The following IPCEF1 variants were observed in gnomAD, a reference collection of about 807,000 sequenced individuals.
IPCEF1 encodes the protein interaction protein for cytohesin exchange factors 1.
In IPCEF1, 31 loss-of-function variants were observed where a neutral mutation model predicts 50.9. The ratio of observed to expected loss-of-function variants is 0.61; its 90% CI spans 0.46 to 0.82. The LOEUF is 0.82. Ranked by LOEUF, IPCEF1 falls within the 40% of genes least tolerant of loss-of-function variation. IPCEF1 has a pLI of 0.00. For missense variants in IPCEF1, 458 were observed against 514.0 expected (o/e 0.89, Z 1.05); for synonymous variants, 181 against 192.0 (o/e 0.94, Z 0.47).
At chr6:154,354,001 A>C (rs6902002) in intron 1 of IPCEF1, among the ~76,000 whole-genome samples, 2 of 152,108 alleles carry the variant, frequency 1.3e-5, no homozygotes, top group Non-Finnish European at 2.9e-5. Context: ...GCATAAAGAA[A>C]AAAAGAGAAA....
chr6:154,259,041 C>T (rs966589779), intron 3 of IPCEF1, among the ~76,000 whole-genome samples: 2 of 152,218 alleles, frequency 1.3e-5, no homozygotes, highest in Non-Finnish European at 2.9e-5. Context: ...AAGCCATCTA[C>T]TGCTCGATTA....
rs149078993 is a variant in IPCEF1 at position 154,184,372 on chromosome 6, C to T, written c.910+15296G>A. On this transcript the variant is annotated intron_variant, in intron 10 of 11. Coordinates refer to ENST00000367220, the MANE Select transcript of IPCEF1 (RefSeq NM_001130700.2). ...TATACTAGTAGTAGTATAATATTCACACCACAGAAAATGATGCAGTTATCA... is the reference window on the plus strand; with the variant it reads ...TATACTAGTAGTAGTATAATATTCATACCACAGAAAATGATGCAGTTATCA... 1.4e-3 allele frequency among the ~76,000 whole-genome samples: 212 copies of T among 152,082 alleles called. 1 individual carries two copies. The highest frequency in any genetic ancestry group is 4.9e-3 in the African/African-American group (203 of 41,490).
In IPCEF1 at chr6:154,158,341, G is replaced by A. The variant is rs1798797393; in HGVS notation, c.*1487C>T. On this transcript the variant is annotated 3_prime_UTR_variant, in exon 12 of 12. Coordinates refer to ENST00000367220, the MANE Select transcript of IPCEF1 (RefSeq NM_001130700.2). ...GAAATATTCATGGTGATTAGTAAGG[G>A]AAGACTTTCATATTGTTTCTCTATA... 1 of 152,152 alleles carries A rather than the reference G, an allele frequency of 6.6e-6. No homozygotes were observed. The highest frequency in any genetic ancestry group is 1.5e-5 in the Non-Finnish European group (1 of 68,022). The allele number at this position is 152,152 out of a possible 1,614,324, so 9.4% of individuals were successfully genotyped here.
intron 5 of IPCEF1, among the ~76,000 whole-genome samples, chr6:154,227,015 G>A (rs1779304811): frequency 6.6e-6 from 1 of 151,932 alleles, no homozygotes; most frequent in South Asian, 2.1e-4. Context: ...TGGCCAACAT[G>A]GTGAAACTCT....
chr6:154,300,283 G>C (rs907666766), intron 1 of IPCEF1, among the ~76,000 whole-genome samples: 4 of 104,778 alleles, frequency 3.8e-5, no homozygotes, highest in Non-Finnish European at 9.1e-5. Context: ...TTTAAATGTA[G>C]GTATTGAGAG....
chr6:154,334,886 T>C (rs1337008880), intron 1 of IPCEF1, among the ~76,000 whole-genome samples: 1 of 152,164 alleles, frequency 6.6e-6, no homozygotes, highest in Non-Finnish European at 1.5e-5. Flanking sequence ...TCAAGGTCTC[T>C]CTGATTTTCC....
chr6:154,232,514 TGTG>T (rs1453644495), intron 5 of IPCEF1, among the ~76,000 whole-genome samples: 2 of 152,188 alleles, frequency 1.3e-5, no homozygotes, highest in African/African-American at 4.8e-5. Context: ...GGAACCATCA[TGTG>T]GTATTATTAA....
At chr6:154,199,609 G>T (rs2128591139) in intron 10 of IPCEF1, 59 bp downstream of exon 10, 1 of 1,456,728 alleles carries the variant, frequency 6.9e-7, no homozygotes. Flanking sequence ...TAATATTACA[G>T]TTCCATATAC....
At chr6:154,317,491 G>T (rs1783251091) in intron 1 of IPCEF1, among the ~76,000 whole-genome samples, 2 of 129,604 alleles carry the variant, frequency 1.5e-5, no homozygotes, top group Non-Finnish European at 3.1e-5. Context: ...AGAGGTTGCA[G>T]TGAGCCAAGA....
chr6:154,315,981 T>C (rs565545193), intron 1 of IPCEF1, among the ~76,000 whole-genome samples: 1 of 152,176 alleles, frequency 6.6e-6, no homozygotes, highest in African/African-American at 2.4e-5. Flanking sequence ...TGCCTCAGCC[T>C]CCCAAGTAGC....
At chr6:154,295,313 G>A (rs1782618907) in intron 1 of IPCEF1, among the ~76,000 whole-genome samples, 1 of 152,252 alleles carries the variant, frequency 6.6e-6, no homozygotes, top group Non-Finnish European at 1.5e-5. Flanking sequence ...ACCCCGTGAA[G>A]GTGGTGCTGT....
chr6:154,288,434 C>T (rs1056028584), intron 2 of IPCEF1, among the ~76,000 whole-genome samples: 3 of 152,006 alleles, frequency 2.0e-5, no homozygotes, highest in South Asian at 2.1e-4. Context: ...GAGGCCGAGG[C>T]GGGCAGATCA....
intron 1 of IPCEF1, among the ~76,000 whole-genome samples, chr6:154,347,802 G>T (rs1784059416): frequency 6.6e-6 from 1 of 152,186 alleles, no homozygotes; most frequent in African/African-American, 2.4e-5. Context: ...CCTCCACAAT[G>T]ATAGGAAACG....
intron 10 of IPCEF1, among the ~76,000 whole-genome samples, chr6:154,191,678 A>G (rs1583755837): frequency 1.2e-5 from 1 of 83,702 alleles, no homozygotes. Flanking sequence ...TGCCTCAACA[A>G]CAACAACAAC....
At chr6:154,224,914 A>T (rs145678031) in intron 5 of IPCEF1, among the ~76,000 whole-genome samples, 2,940 of 152,296 alleles carry the variant, frequency 0.019, 40 homozygotes, top group Middle Eastern at 0.071. Flanking sequence ...AAGGTATTCA[A>T]AGAATACAGA....
intron 3 of IPCEF1, among the ~76,000 whole-genome samples, chr6:154,251,390 T>A (rs1277631103): frequency 6.6e-6 from 1 of 152,154 alleles, no homozygotes; most frequent in African/African-American, 2.4e-5. Context: ...TCTCTTATTT[T>A]AAAAAACCAC....
intron 1 of IPCEF1, among the ~76,000 whole-genome samples, chr6:154,332,407 C>A (rs1009517605): frequency 9.3e-5 from 14 of 150,788 alleles, no homozygotes; most frequent in Non-Finnish European, 4.4e-5. Flanking sequence ...ATGTTGATAA[C>A]TTTTTATGAT....
intron 3 of IPCEF1, among the ~76,000 whole-genome samples, chr6:154,248,305 A>ATGTGTGTG (rs1329571742): frequency 1.1e-5 from 1 of 93,768 alleles, no homozygotes; most frequent in East Asian, 2.6e-4. Context: ...GCTTTAAAAT[A>ATGTGTGTG]CGTGTGTGTG....
rs1387245480 is a variant in IPCEF1 at position 154,157,242 on chromosome 6, C to CA, written c.*2585dup. 1 of 152,372 alleles carries CA rather than the reference C, an allele frequency of 6.6e-6. No individual in the cohort carries two copies. The highest frequency in any genetic ancestry group is 1.5e-5 in the Non-Finnish European group (1 of 68,134). The allele number at this position is 152,372 out of a possible 1,614,324, so 9.4% of individuals were successfully genotyped here. A position where few individuals can be genotyped will look rare whatever the true frequency, so the allele number is the denominator to read the frequency against. ...TCTCACTCCTGTCTATCCCCCCACC[C>CA]ACGTCTTAGTGGCCACAGCCTAGGC... On this transcript the variant is annotated 3_prime_UTR_variant, in exon 12 of 12. Transcript: ENST00000367220.
Sources: allele counts gnomAD v4.1 joint callset (sites outside exome capture counted in the v4.1 genomes callset), GRCh38; gene constraint gnomAD v4.1.1; transcripts MANE v1.5; gene names NCBI Gene and HGNC (gene_info 2026-07-23, HGNC 2026-07-21).